The following TAFA5 variants were observed in gnomAD, a reference collection of about 807,000 sequenced individuals.
TAFA5 encodes TAFA chemokine like family member 5, also known as chemokine-like protein TAFA-5.
A neutral mutation model predicts 15.3 loss-of-function variants in TAFA5; 6 were observed. The ratio of observed to expected loss-of-function variants is 0.39; its 90% CI spans 0.21 to 0.77. The LOEUF (loss-of-function observed/expected upper bound fraction) is 0.77, where lower values mean the gene tolerates loss of function less well. Ranked by LOEUF, TAFA5 falls within the 30% of genes least tolerant of loss-of-function variation. The pLI is 0.41. For synonymous variants in TAFA5, 103 were observed against 80.7 expected, an observed-to-expected ratio of 1.28 and a Z score of -1.48; for missense variants, 161 against 193.1, an observed-to-expected ratio of 0.83 and a Z score of 0.98.
intron 1 of TAFA5, among the ~76,000 whole-genome samples, chr22:48,637,455 G>T (rs1292449283): frequency 6.6e-6 from 1 of 152,080 alleles, no homozygotes; most frequent in Non-Finnish European, 1.5e-5. Flanking sequence ...TTGTCTCTTG[G>T]CCTCGGTCCA....
intron 2 of TAFA5, among the ~76,000 whole-genome samples, chr22:48,703,506 C>T (rs1928980956): frequency 6.6e-6 from 1 of 152,260 alleles, no homozygotes; most frequent in African/African-American, 2.4e-5. Context: ...CTCCCCCATC[C>T]TCAGCCCCAC....
chr22:48,745,474 G>A (rs550288366), intron 3 of TAFA5, among the ~76,000 whole-genome samples: 6 of 142,522 alleles, frequency 4.2e-5, no homozygotes, highest in East Asian at 2.1e-4. Flanking sequence ...CGGCTTTGTC[G>A]TTGGCGGCTG....
At chr22:48,700,591 T>TG (rs1928874805) in intron 2 of TAFA5, among the ~76,000 whole-genome samples, 1 of 151,818 alleles carries the variant, frequency 6.6e-6, no homozygotes, top group Non-Finnish European at 1.5e-5. Flanking sequence ...CCCTCGGGAG[T>TG]GGGGGTGCCA....
intron 3 of TAFA5, among the ~76,000 whole-genome samples, chr22:48,730,488 T>C (rs933028543): frequency 5.9e-5 from 9 of 152,240 alleles, no homozygotes; most frequent in South Asian, 2.1e-4. Flanking sequence ...TATTGTACTC[T>C]GCTTTATTGC....
chr22:48,528,127 T>G (rs1306777257), intron 1 of TAFA5, among the ~76,000 whole-genome samples: 1 of 152,220 alleles, frequency 6.6e-6, no homozygotes, highest in Non-Finnish European at 1.5e-5. Context: ...GCGATGGCTC[T>G]GATGGCGTCG....
chr22:48,701,122 C>T (rs559344441), intron 2 of TAFA5, among the ~76,000 whole-genome samples: 2 of 152,232 alleles, frequency 1.3e-5, no homozygotes, highest in Admixed American at 6.5e-5. Flanking sequence ...AGTGGGTGCC[C>T]GAGGCGGCAC....
At chr22:48,654,392 G>C (rs1927164312) in intron 2 of TAFA5, among the ~76,000 whole-genome samples, 1 of 152,216 alleles carries the variant, frequency 6.6e-6, no homozygotes, top group Non-Finnish European at 1.5e-5. Flanking sequence ...GGGCCTACAG[G>C]GTTTGGAAGG....
intron 3 of TAFA5, among the ~76,000 whole-genome samples, chr22:48,724,015 G>C (rs1929644179): frequency 6.6e-6 from 1 of 152,254 alleles, no homozygotes; most frequent in African/African-American, 2.4e-5. Flanking sequence ...CATTGGTGCT[G>C]TGCAACAGGA....
rs1926880590 is a variant in TAFA5, at chr22:48,646,762, C to T, written c.262+16C>T. On this transcript the variant is annotated intron_variant, in intron 2 of 3. Transcript: ENST00000402357. Reference sequence around the variant, plus strand: ...TGTGTGGACGGTAAGCACCCGTGGCCCCAGGACCCCTCCGGGTGCTGAGCG... The same window carrying T: ...TGTGTGGACGGTAAGCACCCGTGGCTCCAGGACCCCTCCGGGTGCTGAGCG... 6.4e-7 allele frequency: 1 copy of T among 1,557,500 alleles called. No homozygotes were observed. Among genetic ancestry groups the T allele is most frequent in the African/African-American group, 1.4e-5 (1 of 74,016 alleles).
At chr22:48,600,402 G>A (rs893869106) in intron 1 of TAFA5, among the ~76,000 whole-genome samples, 2 of 152,200 alleles carry the variant, frequency 1.3e-5, no homozygotes, top group African/African-American at 2.4e-5. Context: ...CCTCGCACCA[G>A]CTCTGGGACA....
chr22:48,538,040 A>G (rs948457102), intron 1 of TAFA5, among the ~76,000 whole-genome samples: 7 of 152,150 alleles, frequency 4.6e-5, no homozygotes, highest in African/African-American at 1.7e-4. Flanking sequence ...CTGAAGGCAG[A>G]TTCAGGTGTG....
intron 2 of TAFA5, among the ~76,000 whole-genome samples, chr22:48,696,559 C>T (rs1397707236): frequency 6.6e-6 from 1 of 152,218 alleles, no homozygotes; most frequent in African/African-American, 2.4e-5. Flanking sequence ...GGGTGGCAGC[C>T]ACCTGGGCTC....
intron 3 of TAFA5, among the ~76,000 whole-genome samples, chr22:48,737,911 A>G (rs1027666256): frequency 4.6e-5 from 7 of 151,804 alleles, no homozygotes; most frequent in Non-Finnish European, 2.9e-5. Flanking sequence ...GTGATGAGTG[A>G]GGGCCGCGGT....
At chr22:48,716,469 G>A (rs1370470038) in intron 3 of TAFA5, among the ~76,000 whole-genome samples, 1 of 152,176 alleles carries the variant, frequency 6.6e-6, no homozygotes. Context: ...GTTGAACAAT[G>A]AGAACACATG....
chr22:48,728,624 A>G (rs1296431412), intron 3 of TAFA5, among the ~76,000 whole-genome samples: 2 of 152,190 alleles, frequency 1.3e-5, no homozygotes, highest in Non-Finnish European at 2.9e-5. Context: ...AACACACGGT[A>G]TTTTTGCAGA....
intron 1 of TAFA5, among the ~76,000 whole-genome samples, chr22:48,564,376 C>T (rs961091832): frequency 6.6e-5 from 10 of 152,192 alleles, no homozygotes; most frequent in South Asian, 2.1e-4. Context: ...CGAAGGGACA[C>T]AAAATGAAGG....
chr22:48,749,956 G>A lies in TAFA5; in HGVS notation c.*109G>A, dbSNP rs73441860. On this transcript the variant is annotated 3_prime_UTR_variant, in exon 4 of 4. Transcript: ENST00000402357. ...GGACTTCACCCGTTCTCTGCCGCCC[G>A]CCCACTCCGTTTCCCTGTGGTCCGT... 3.3e-3 allele frequency: 3,613 copies of A among 1,083,368 alleles called. 89 individuals carry two copies. In the African/African-American group the frequency reaches 0.046, roughly 14 times the overall value. The allele number at this position is 1,083,368 out of a possible 1,614,324, so 67.1% of individuals were successfully genotyped here. A position where few individuals can be genotyped will look rare whatever the true frequency, so the allele number is the denominator to read the frequency against.
chr22:48,571,922 C>T (rs1923606416), intron 1 of TAFA5, among the ~76,000 whole-genome samples: 1 of 151,958 alleles, frequency 6.6e-6, no homozygotes, highest in Admixed American at 6.6e-5. Flanking sequence ...CCCATTTTAC[C>T]ATTCAGTGTA....
intron 3 of TAFA5, among the ~76,000 whole-genome samples, chr22:48,741,390 C>T (rs1038911354): frequency 3.9e-5 from 6 of 152,176 alleles, no homozygotes; most frequent in African/African-American, 9.7e-5. Flanking sequence ...CTGCGTCGGG[C>T]GTGGAGGGGA....
Sources: allele counts gnomAD v4.1 joint callset (sites outside exome capture counted in the v4.1 genomes callset), GRCh38; gene constraint gnomAD v4.1.1; transcripts MANE v1.5; gene names NCBI Gene and HGNC (gene_info 2026-07-23, HGNC 2026-07-21).